The following MYH11 variants were observed in gnomAD, a reference collection of about 807,000 sequenced individuals.
MYH11 encodes the protein myosin-11.
A neutral mutation model predicts 246.6 loss-of-function variants in MYH11; 80 were observed. The observed-to-expected ratio is 0.32, with a 90% CI of 0.27 to 0.39. The LOEUF (loss-of-function observed/expected upper bound fraction) is 0.39. MYH11 is among the 10% of genes least tolerant of loss of function. The pLI is 1.00. For synonymous variants in MYH11, 1,071 were observed against 1,015.5 expected (o/e 1.05, Z -1.04); for missense variants, 2,158 against 2,546.8 (o/e 0.85, Z 3.29).
At position 15,759,467 on chromosome 16, in the gene MYH11, A is replaced by G. The variant is rs566858532; in HGVS notation, c.1401+109T>C. On this transcript the variant is annotated intron_variant, in intron 12 of 40. Transcript: ENST00000300036. The stretch of plus-strand genomic sequence containing the variant: ...TCCACCCTTAACTAGACAGCCTCCT[A>G]CCCTACAGTAGCCATCTACATGCCT... The G allele has an allele frequency of 1.4e-5, 19 of 1,403,234 alleles. No homozygotes were observed. The African/African-American group carries it at 2.0e-4, about 15-fold the overall frequency. 86.9% of individuals were successfully genotyped at this position (1,403,234 alleles called of 1,614,324 possible). A position where few individuals can be genotyped will look rare whatever the true frequency, so the allele number is the denominator to read the frequency against.
At chr16:15,795,820 T>C in intron 4 of MYH11, among the ~76,000 whole-genome samples, 1 of 152,170 alleles carries the variant, frequency 6.6e-6, no homozygotes, top group East Asian at 1.9e-4. Context: ...ATTGTTCCCA[T>C]TTTACAGATG....
chr16:15,820,112 G>C (rs1168947397), intron 3 of MYH11, among the ~76,000 whole-genome samples: 1 of 152,212 alleles, frequency 6.6e-6, no homozygotes, highest in Non-Finnish European at 1.5e-5. Flanking sequence ...GGAGGCCGAG[G>C]TGGGAGGATC....
At chr16:15,771,434 CCTTTTTT>C (rs2042097768) in intron 9 of MYH11, 128 bp downstream of exon 9, 1 of 922,540 alleles carries the variant, frequency 1.1e-6, no homozygotes, top group Non-Finnish European at 1.6e-6. Context: ...TCATTTTCCT[CCTTTTTT>C]TTTTTTTTTT....
intron 2 of MYH11, among the ~76,000 whole-genome samples, chr16:15,831,364 T>C (rs2043730725): frequency 6.6e-6 from 1 of 151,934 alleles, no homozygotes; most frequent in Non-Finnish European, 1.5e-5. Context: ...GAAGTCTGAC[T>C]AGATAGTTAT....
intron 1 of MYH11, among the ~76,000 whole-genome samples, chr16:15,847,454 G>A (rs2044224352): frequency 6.6e-6 from 1 of 151,980 alleles, no homozygotes; most frequent in African/African-American, 2.4e-5. Flanking sequence ...GTTTCACCAT[G>A]TTGTCCAGGC....
chr16:15,757,050 G>A (rs1174923327), intron 13 of MYH11, among the ~76,000 whole-genome samples: 1 of 151,500 alleles, frequency 6.6e-6, no homozygotes, highest in Non-Finnish European at 1.5e-5. Flanking sequence ...CGCCCGCCTC[G>A]GCCTCCCAAA....
intron 3 of MYH11, among the ~76,000 whole-genome samples, chr16:15,805,440 A>G (rs1047716249): frequency 2.4e-4 from 36 of 152,348 alleles, no homozygotes; most frequent in African/African-American, 8.7e-4. Flanking sequence ...ATAATAGGCC[A>G]TCTATCCATG....
chr16:15,729,830 C>T (rs1230462210), intron 27 of MYH11, among the ~76,000 whole-genome samples: 1 of 151,940 alleles, frequency 6.6e-6, no homozygotes, highest in Non-Finnish European at 1.5e-5. Flanking sequence ...GGATTACAGG[C>T]GTGAGCCACT....
intron 3 of MYH11, among the ~76,000 whole-genome samples, chr16:15,815,164 C>G (rs62030625): frequency 0.015 from 2,282 of 152,240 alleles, 25 homozygotes; most frequent in Non-Finnish European, 0.024. Flanking sequence ...GAGCTTCCAT[C>G]AACAATTTGG....
At chr16:15,772,844 G>A (rs889977964) in intron 8 of MYH11, among the ~76,000 whole-genome samples, 3 of 152,102 alleles carry the variant, frequency 2.0e-5, no homozygotes, top group Non-Finnish European at 4.4e-5. Context: ...ATTCTCATAG[G>A]AGCGCAAACC....
chr16:15,714,847 G>C, intron 40 of MYH11, 62 bp downstream of exon 40: 2 of 1,599,802 alleles, frequency 1.3e-6, no homozygotes, highest in Non-Finnish European at 1.7e-6. Context: ...AAAGGAGCCC[G>C]AGCCCCCAGT....
At position 15,747,929 on chromosome 16, in the gene MYH11, G is replaced by A. The variant is rs764831521; in HGVS notation, c.2195C>T (p.Ala732Val). The A allele has an allele frequency of 7.4e-6, 12 of 1,614,074 alleles. No homozygotes were observed. Among genetic ancestry groups the A allele is most frequent in the East Asian group, 2.2e-5 (1 of 44,864 alleles). ...GAAGCCTTTGGGGATGGCATTCGCCGCCAGGATCTCGTAGCTTGAAACACA... is the reference window on the plus strand; with the variant it reads ...GAAGCCTTTGGGGATGGCATTCGCCACCAGGATCTCGTAGCTTGAAACACA... Reference protein sequence around the residue: ...QEFRQRYEILAANAIPKGFMD... With the variant: ...QEFRQRYEILVANAIPKGFMD... The change falls in exon 18 of 41, where the codon GCG (alanine) becomes GTG (valine). Residue 732 changes from alanine to valine, a missense_variant. Physicochemically the swap from Ala to Val is moderately conservative, Grantham distance 64 (BLOSUM62 0). This residue lies in a region of MYH11 where 317 missense variants were observed against 507.7 expected (regional missense o/e 0.62). Transcript: ENST00000300036.
chr16:15,812,264 G>A (rs2043154526), intron 3 of MYH11, among the ~76,000 whole-genome samples: 1 of 152,114 alleles, frequency 6.6e-6, no homozygotes, highest in South Asian at 2.1e-4. Flanking sequence ...TTTCCCAGCT[G>A]TAAAAGGGAG....
At chr16:15,812,512 T>C (rs1264163859) in intron 3 of MYH11, among the ~76,000 whole-genome samples, 1 of 113,222 alleles carries the variant, frequency 8.8e-6, no homozygotes, top group African/African-American at 3.5e-5. Context: ...AGGCCAGGAA[T>C]GAGAGACCAG....
At chr16:15,737,693 G>A in intron 24 of MYH11, 73 bp from the exon 25 acceptor site, 18 of 1,560,746 alleles carry the variant, frequency 1.2e-5, no homozygotes, top group Non-Finnish European at 1.5e-5. Context: ...TTCCTGCCCA[G>A]GCATTTTACC....
chr16:15,770,356 G>T (rs760607999), intron 9 of MYH11, among the ~76,000 whole-genome samples: 1 of 152,158 alleles, frequency 6.6e-6, no homozygotes, highest in East Asian at 1.9e-4. Flanking sequence ...TGGGAAGGAA[G>T]GGAAACTTTC....
chr16:15,778,744 G>A, intron 7 of MYH11, 36 bp downstream of exon 7: 1 of 1,603,430 alleles, frequency 6.2e-7, no homozygotes, highest in African/African-American at 1.3e-5. Context: ...TAGGGGGCAG[G>A]GGTACCCATT....
At chr16:15,740,306 C>T (rs2041237061) in intron 22 of MYH11, 118 bp from the exon 23 acceptor site, 1 of 1,497,092 alleles carries the variant, frequency 6.7e-7, no homozygotes, top group Middle Eastern at 2.4e-4. Flanking sequence ...TCTGTAGCCT[C>T]CTAAAAGGAA....
Position 15,725,138 on chromosome 16 carries a change from A to G in MYH11, c.3859-146T>C, listed in dbSNP as rs944950443. 5 of 661,818 alleles carry G rather than the reference A, an allele frequency of 7.6e-6. No individual in the cohort carries two copies. The African/African-American group carries it at 9.3e-5, about 12-fold the overall frequency. The allele number at this position is 661,818 out of a possible 1,614,324, so 41.0% of individuals were successfully genotyped here. ...CCGTGAGGTATGGGACTCTGATAAAAAAAAAAAAAAACACACACACACACA... is the reference window on the plus strand; with the variant it reads ...CCGTGAGGTATGGGACTCTGATAAAGAAAAAAAAAAACACACACACACACA... On this transcript the variant is annotated intron_variant, in intron 28 of 40. Coordinates refer to ENST00000300036, the MANE Select transcript of MYH11 (RefSeq NM_002474.3).
Sources: allele counts gnomAD v4.1 joint callset (sites outside exome capture counted in the v4.1 genomes callset), GRCh38; gene constraint gnomAD v4.1.1; regional missense constraint gnomAD v4.1.1; transcripts MANE v1.5; gene names NCBI Gene and HGNC (gene_info 2026-07-23, HGNC 2026-07-21).